Variants in GPC6 observed in about 807,000 individuals in gnomAD.
The protein encoded by GPC6 is glypican 6.
Under a neutral mutation model 55.2 loss-of-function variants are expected in GPC6, and 14 were observed. The ratio of observed to expected loss-of-function variants is 0.25; its 90% CI spans 0.17 to 0.40. The LOEUF is 0.40. Among genes scored for constraint, GPC6 ranks in the 10% least tolerant of loss-of-function variants. The pLI is 1.00. For synonymous variants in GPC6, 278 were observed against 259.6 expected (o/e 1.07, Z -0.68); for missense variants, 641 against 708.5 (o/e 0.90, Z 1.08).
rs527293456 is a variant in GPC6 at position 93,602,940 on chromosome 13, T to C, written c.319+57519T>C. On this transcript the variant is annotated intron_variant, in intron 2 of 8. Transcript: ENST00000377047. The stretch of plus-strand genomic sequence containing the variant: ...ATTTAACTCTTTGTTGGTAACATTT[T>C]CCACTGGCATTACACAGGCCTGAGT... 2.6e-5 allele frequency among the ~76,000 whole-genome samples: 4 copies of C among 152,278 alleles called. No homozygotes were observed. The South Asian group carries it at 6.2e-4, about 24-fold the overall frequency.
At chr13:93,283,852 AT>A (rs1183079798) in intron 1 of GPC6, among the ~76,000 whole-genome samples, 1 of 152,224 alleles carries the variant, frequency 6.6e-6, no homozygotes, top group African/African-American at 2.4e-5. Context: ...TTTAATTGGC[AT>A]TCCTAAACCC....
At position 94,302,890 on chromosome 13, in the gene GPC6, G is replaced by C. The variant is rs537691755; in HGVS notation, c.1009-3090G>C. ...CTATTAGAAGCCGTGGGTCACGGAA[G>C]AGAACCGTGGAATCCAGCGACTAGT... On this transcript the variant is annotated intron_variant, in intron 5 of 8. Coordinates refer to ENST00000377047, the MANE Select transcript of GPC6 (RefSeq NM_005708.5). 1.5e-3 allele frequency among the ~76,000 whole-genome samples: 234 copies of C among 152,364 alleles called. 2 individuals carry two copies. The highest frequency in any genetic ancestry group is 5.3e-3 in the African/African-American group (222 of 41,582).
chr13:94,037,374 T>C (rs980182800), intron 4 of GPC6, among the ~76,000 whole-genome samples: 4 of 152,008 alleles, frequency 2.6e-5, no homozygotes, highest in African/African-American at 7.2e-5. Flanking sequence ...AGAAAATGTT[T>C]AAATGTGTCT....
chr13:94,272,819 G>A (rs116565242), intron 4 of GPC6, among the ~76,000 whole-genome samples: 2,545 of 152,052 alleles, frequency 0.017, 85 homozygotes, highest in African/African-American at 0.059. Flanking sequence ...AGGAGGCAGC[G>A]TGATGGAGTA....
chr13:93,376,103 G>A (rs1378985804), intron 1 of GPC6, among the ~76,000 whole-genome samples: 1 of 148,508 alleles, frequency 6.7e-6, no homozygotes, highest in Admixed American at 6.8e-5. Context: ...GAGAGGACAT[G>A]GAGTAAGCTG....
At chr13:93,924,696 CTTTTTTT>C (rs10710851) in intron 3 of GPC6, among the ~76,000 whole-genome samples, 1 of 128,568 alleles carries the variant, frequency 7.8e-6, no homozygotes, top group Non-Finnish European at 1.7e-5. Flanking sequence ...TCTTTCTTTT[CTTTTTTT>C]TTTTTTTTTG....
chr13:93,656,721 T>G (rs1486040011), intron 2 of GPC6, among the ~76,000 whole-genome samples: 1 of 152,026 alleles, frequency 6.6e-6, no homozygotes, highest in Non-Finnish European at 1.5e-5. Context: ...TTTTAAAAAA[T>G]CATTTTTTGT....
chr13:93,246,126 C>CTA (rs1438650928), intron 1 of GPC6, among the ~76,000 whole-genome samples: 1 of 152,148 alleles, frequency 6.6e-6, no homozygotes, highest in Non-Finnish European at 1.5e-5. Context: ...CTATCCTAGC[C>CTA]TCTCAGGCAC....
At chr13:93,584,503 G>T (rs867751938) in intron 2 of GPC6, among the ~76,000 whole-genome samples, 11 of 151,960 alleles carry the variant, frequency 7.2e-5, no homozygotes, top group Non-Finnish European at 1.5e-5. Flanking sequence ...GTATGCATCT[G>T]TTTAAACACT....
intron 3 of GPC6, among the ~76,000 whole-genome samples, chr13:93,972,509 C>T (rs553038326): frequency 6.6e-6 from 1 of 152,212 alleles, no homozygotes; most frequent in Non-Finnish European, 1.5e-5. Context: ...CCCCCCACTC[C>T]CACCATGTAG....
chr13:93,972,604 G>C (rs11842107), intron 3 of GPC6, among the ~76,000 whole-genome samples: 1,572 of 152,258 alleles, frequency 0.01, 35 homozygotes, highest in African/African-American at 0.036. Flanking sequence ...GACAGTTACT[G>C]TGAGTTCTCT....
At chr13:94,088,792 C>T (rs7358808) in intron 4 of GPC6, among the ~76,000 whole-genome samples, 150,188 of 152,208 alleles carry the variant, frequency 0.99, 74,130 homozygotes, top group East Asian at 1. Context: ...AAAATAAAAT[C>T]TGGGGACAAA....
intron 1 of GPC6, among the ~76,000 whole-genome samples, chr13:93,267,059 A>T (rs1212467010): frequency 6.6e-6 from 1 of 152,194 alleles, no homozygotes; most frequent in Non-Finnish European, 1.5e-5. Flanking sequence ...AACCCAAATT[A>T]AGCAGGAGTA....
intron 2 of GPC6, among the ~76,000 whole-genome samples, chr13:93,702,743 C>T (rs2138796865): frequency 6.6e-6 from 1 of 152,130 alleles, no homozygotes; most frequent in Admixed American, 6.6e-5. Flanking sequence ...GTGGAGACAG[C>T]TTCTTTCCCT....
intron 2 of GPC6, among the ~76,000 whole-genome samples, chr13:93,774,886 G>C (rs1021481271): frequency 6.6e-6 from 1 of 152,092 alleles, no homozygotes; most frequent in Non-Finnish European, 1.5e-5. Flanking sequence ...CATGAGGAGT[G>C]GGGCTTCAGG....
chr13:93,505,385 A>G (rs1880671842), intron 1 of GPC6, among the ~76,000 whole-genome samples: 3 of 151,884 alleles, frequency 2.0e-5, no homozygotes, highest in South Asian at 4.2e-4. Context: ...TCCTTGTTTT[A>G]TGTGTGTTAC....
At chr13:93,255,248 G>A (rs1024509040) in intron 1 of GPC6, among the ~76,000 whole-genome samples, 9 of 152,066 alleles carry the variant, frequency 5.9e-5, no homozygotes, top group Non-Finnish European at 1.2e-4. Context: ...TTTCGGGTAC[G>A]CATGATAATT....
At chr13:93,573,842 C>T (rs1458139935) in intron 2 of GPC6, among the ~76,000 whole-genome samples, 1 of 152,156 alleles carries the variant, frequency 6.6e-6, no homozygotes, top group African/African-American at 2.4e-5. Flanking sequence ...TTCCCTTTCT[C>T]TGCTCATCCA....
chr13:93,790,420 C>T (rs1375221225), intron 2 of GPC6, among the ~76,000 whole-genome samples: 2 of 152,118 alleles, frequency 1.3e-5, no homozygotes, highest in African/African-American at 4.8e-5. Flanking sequence ...ATAACTAGTC[C>T]AATTTCCAAT....
Sources: gnomAD v4.1 joint callset for allele counts (sites outside exome capture counted in the v4.1 genomes callset) on GRCh38, gnomAD v4.1.1 for gene constraint, MANE v1.5 for transcripts, NCBI Gene and HGNC (gene_info 2026-07-23, HGNC 2026-07-21) for gene names.